Variants in ARNT2 observed in about 807,000 individuals in gnomAD.
ARNT2 encodes ARNT protein 2.
ARNT2 carries 36 observed loss-of-function variants against 91.7 expected under a neutral mutation model. That is an observed-to-expected ratio of 0.39 (90% CI 0.30 to 0.52). ARNT2 has a LOEUF of 0.52. ARNT2 is among the 20% of genes least tolerant of loss of function. The pLI, the probability that ARNT2 is intolerant of heterozygous loss-of-function variation, is 0.72. For synonymous variants in ARNT2, 365 were observed against 347.1 expected (o/e 1.05, Z -0.57); for missense variants, 775 against 939.3 (o/e 0.83, Z 2.29).
chr15:80,408,722 G>A (rs1895639914), intron 1 of ARNT2, among the ~76,000 whole-genome samples: 1 of 151,902 alleles, frequency 6.6e-6, no homozygotes, highest in African/African-American at 2.4e-5. Context: ...TTGAATCTAC[G>A]AGCCCATCAG....
In ARNT2 at chr15:80,534,832, T is replaced by C. The variant is rs1269429937; in HGVS notation, c.878-16367T>C. Among the ~76,000 whole-genome samples the C allele has an allele frequency of 3.9e-5, 6 of 152,196 alleles. No individual in the cohort carries two copies. In the East Asian group the frequency reaches 9.6e-4, roughly 24 times the overall value. On this transcript the variant is annotated intron_variant, in intron 8 of 18. Coordinates refer to ENST00000303329, the MANE Select transcript of ARNT2 (RefSeq NM_014862.4). ...TAGCTAAGAAGTGCTATAGGAATGA[T>C]ACATTTAAGTTTTGGTAGTTACCCT... is the stretch of plus-strand genomic sequence containing the variant.
rs1001755833 is a variant in ARNT2, at chr15:80,595,021, T to A, written c.*1323T>A. 1 of 152,268 alleles carries A rather than the reference T, an allele frequency of 6.6e-6. No individual in the cohort carries two copies. The allele number at this position is 152,268 out of a possible 1,614,324, so 9.4% of individuals were successfully genotyped here. ...CTGACTCTAGAATCTTCTGCCTGGC[T>A]GACCTCTGAGCCCATGATCCCTGGC... On this transcript the variant is annotated 3_prime_UTR_variant, in exon 19 of 19. Coordinates refer to ENST00000303329, the MANE Select transcript of ARNT2 (RefSeq NM_014862.4).
At chr15:80,422,414 A>G (rs576810405) in intron 1 of ARNT2, among the ~76,000 whole-genome samples, 4 of 152,352 alleles carry the variant, frequency 2.6e-5, no homozygotes, top group African/African-American at 9.6e-5. Context: ...CGACAATACA[A>G]TATTTTAATA....
chr15:80,417,586 C>T (rs1314743029), intron 1 of ARNT2, among the ~76,000 whole-genome samples: 1 of 151,380 alleles, frequency 6.6e-6, no homozygotes, highest in Non-Finnish European at 1.5e-5. Context: ...CCCTTCCTCC[C>T]TCTTTCTCTC....
At chr15:80,485,520 C>T (rs1896957634) in intron 5 of ARNT2, among the ~76,000 whole-genome samples, 1 of 152,170 alleles carries the variant, frequency 6.6e-6, no homozygotes, top group South Asian at 2.1e-4. Flanking sequence ...ATCTAACACA[C>T]TGTGGTAGGT....
At chr15:80,537,958 A>G (rs1328274364) in intron 8 of ARNT2, among the ~76,000 whole-genome samples, 3 of 152,224 alleles carry the variant, frequency 2.0e-5, no homozygotes, top group Non-Finnish European at 4.4e-5. Context: ...ATGTCCTTAT[A>G]AAAGGGGGAA....
At chr15:80,543,581 T>C (rs1037465346) in intron 8 of ARNT2, among the ~76,000 whole-genome samples, 8 of 152,210 alleles carry the variant, frequency 5.3e-5, no homozygotes, top group African/African-American at 1.9e-4. Context: ...CTTTTAAGTG[T>C]ATTAGGCCAC....
intron 5 of ARNT2, among the ~76,000 whole-genome samples, chr15:80,506,284 TG>T (rs1333075935): frequency 6.6e-6 from 1 of 152,214 alleles, no homozygotes; most frequent in Non-Finnish European, 1.5e-5. Context: ...AGGGATGCCA[TG>T]TCAAGAGGTG....
chr15:80,558,629 C>T (rs1049650770), intron 11 of ARNT2, among the ~76,000 whole-genome samples: 5 of 152,122 alleles, frequency 3.3e-5, no homozygotes, highest in Admixed American at 2.0e-4. Context: ...CATGAGCTAC[C>T]GTGCCCGGCC....
chr15:80,508,925 A>G (rs73496320), intron 6 of ARNT2, among the ~76,000 whole-genome samples: 1,647 of 152,270 alleles, frequency 0.011, 20 homozygotes, highest in African/African-American at 0.038. Context: ...CCAGTTCAGC[A>G]CCTCTGTACC....
At chr15:80,554,240 C>T (rs889772055) in intron 10 of ARNT2, among the ~76,000 whole-genome samples, 10 of 152,084 alleles carry the variant, frequency 6.6e-5, no homozygotes, top group Non-Finnish European at 1.3e-4. Context: ...GAAACCCTGT[C>T]TCTACTGAAA....
At chr15:80,477,127 C>G (rs536615318) in intron 5 of ARNT2, among the ~76,000 whole-genome samples, 3 of 152,362 alleles carry the variant, frequency 2.0e-5, no homozygotes, top group Non-Finnish European at 2.9e-5. Context: ...GAGGCCTCCT[C>G]AGAGGCCAAG....
At chr15:80,566,098 G>A (rs142015215) in intron 12 of ARNT2, among the ~76,000 whole-genome samples, 14 of 152,274 alleles carry the variant, frequency 9.2e-5, no homozygotes, top group Non-Finnish European at 4.4e-5. Context: ...AGTCGGCCCC[G>A]GTAAAAGTGG....
chr15:80,405,556 A>G (rs780343754), intron 1 of ARNT2, among the ~76,000 whole-genome samples: 1 of 152,206 alleles, frequency 6.6e-6, no homozygotes, highest in Non-Finnish European at 1.5e-5. Flanking sequence ...ATTAGGAATG[A>G]AAGATCCCTT....
At chr15:80,519,860 A>AT (rs539637778) in intron 8 of ARNT2, among the ~76,000 whole-genome samples, 6,335 of 119,276 alleles carry the variant, frequency 0.053, 293 homozygotes, top group East Asian at 0.14. Context: ...AATTTTTTGT[A>AT]TTTTTTTTTT....
intron 1 of ARNT2, among the ~76,000 whole-genome samples, chr15:80,428,818 T>A (rs1394743232): frequency 6.6e-6 from 1 of 152,330 alleles, no homozygotes; most frequent in East Asian, 1.9e-4. Context: ...CCACGTCTGG[T>A]CTCTGGATCT....
chr15:80,442,789 C>T (rs2141579198), intron 1 of ARNT2: 9 of 943,252 alleles, frequency 9.5e-6, no homozygotes, highest in Non-Finnish European at 1.1e-5. Context: ...TGCAACTGGC[C>T]CAATCATATT....
intron 1 of ARNT2, among the ~76,000 whole-genome samples, chr15:80,419,068 A>G (rs1208164365): frequency 6.6e-6 from 1 of 152,116 alleles, no homozygotes. Flanking sequence ...ATTTTCTAGA[A>G]CGCAGGATCT....
intron 1 of ARNT2, among the ~76,000 whole-genome samples, chr15:80,449,897 A>T (rs1896361527): frequency 6.6e-6 from 1 of 152,156 alleles, no homozygotes; most frequent in Admixed American, 6.5e-5. Flanking sequence ...ATATTTTTGT[A>T]GATTGCTGCT....
Sources: allele counts gnomAD v4.1 joint callset (sites outside exome capture counted in the v4.1 genomes callset), GRCh38; gene constraint gnomAD v4.1.1; transcripts MANE v1.5; gene names NCBI Gene and HGNC (gene_info 2026-07-23, HGNC 2026-07-21).